Variants in AFG2B observed in about 807,000 individuals in gnomAD.
The protein encoded by AFG2B is ATPase family gene 2 protein homolog B.
At chr15:45,402,531 C>G in the AFG2B span, 2 of 1,596,272 alleles carry the variant, frequency 1.3e-6, no homozygotes, top group Non-Finnish European at 1.7e-6. Flanking sequence ...TGGGCCCGGC[C>G]GCCCTCCACG....
the AFG2B span, among the ~76,000 whole-genome samples, chr15:45,416,538 T>A: frequency 6.6e-6 from 1 of 152,334 alleles, no homozygotes; most frequent in South Asian, 2.1e-4. Flanking sequence ...TCCTTAGGAA[T>A]ATGTCACACT....
chr15:45,421,339 A>T, the AFG2B span: 34 of 625,884 alleles, frequency 5.4e-5, no homozygotes, highest in Non-Finnish European at 7.7e-5. Flanking sequence ...AAACAAAACA[A>T]AAAAAACTTG....
At chr15:45,402,439 G>A in the AFG2B span, 1 of 1,602,948 alleles carries the variant, frequency 6.2e-7, no homozygotes, top group African/African-American at 1.4e-5. Context: ...GATGGCTCCG[G>A]ACTCGGATCC....
the AFG2B span, among the ~76,000 whole-genome samples, chr15:45,419,849 C>T: frequency 5.9e-4 from 89 of 151,786 alleles, no homozygotes; most frequent in Non-Finnish European, 1.1e-3. Flanking sequence ...GACCCTGTCT[C>T]TACAAAAACT....
chr15:45,421,072 A>G, the AFG2B span: 2 of 1,612,284 alleles, frequency 1.2e-6, no homozygotes, highest in South Asian at 2.2e-5. Context: ...AAGAAAATGG[A>G]CTAGACGCAA....
the AFG2B span, chr15:45,417,469 T>C: frequency 2.6e-6 from 4 of 1,550,832 alleles, no homozygotes; most frequent in Admixed American, 5.3e-5. Context: ...TAGGTGTCCA[T>C]GGTGTTCTAC....
At chr15:45,409,096 C>A in the AFG2B span, among the ~76,000 whole-genome samples, 2 of 152,210 alleles carry the variant, frequency 1.3e-5, no homozygotes, top group African/African-American at 4.8e-5. Context: ...TGGAAATGGG[C>A]CACGTGCGGT....
the AFG2B span, chr15:45,417,060 A>C: frequency 4.1e-6 from 2 of 491,978 alleles, no homozygotes; most frequent in South Asian, 5.2e-5. Flanking sequence ...CTACTCCCTT[A>C]GCCATGCACA....
the AFG2B span, chr15:45,421,083 C>T: frequency 6.2e-7 from 1 of 1,613,596 alleles, no homozygotes; most frequent in Non-Finnish European, 8.5e-7. Flanking sequence ...CTAGACGCAA[C>T]TACAGTGAAA....
chr15:45,402,483 C>T, the AFG2B span: 1 of 1,610,408 alleles, frequency 6.2e-7, no homozygotes, highest in Non-Finnish European at 8.5e-7. Flanking sequence ...AGCTGCTACC[C>T]TTAGACGCTA....
At chr15:45,418,673 C>T in the AFG2B span, 2 of 1,607,756 alleles carry the variant, frequency 1.2e-6, no homozygotes, top group Non-Finnish European at 1.7e-6. Context: ...TTAGAAACCT[C>T]TGCACAGAAG....
the AFG2B span, chr15:45,414,758 A>AT: frequency 2.5e-6 from 4 of 1,613,940 alleles, no homozygotes; most frequent in Admixed American, 6.7e-5. Context: ...TTTGTTGGAG[A>AT]TTCAGAAAAA....
the AFG2B span, among the ~76,000 whole-genome samples, chr15:45,420,549 G>A: frequency 1.3e-5 from 2 of 152,064 alleles, no homozygotes; most frequent in African/African-American, 2.4e-5. Flanking sequence ...TCCCATTAAT[G>A]TAAAGAGGTT....
the AFG2B span, chr15:45,402,827 A>G: frequency 6.3e-7 from 1 of 1,597,698 alleles, no homozygotes; most frequent in Non-Finnish European, 8.5e-7. Flanking sequence ...GCGGTGCTGG[A>G]GGCGGCACAG....
the AFG2B span, among the ~76,000 whole-genome samples, chr15:45,414,126 A>AGG: frequency 1.3e-5 from 2 of 152,120 alleles, no homozygotes; most frequent in Non-Finnish European, 2.9e-5. Context: ...AGTGAGTAGG[A>AGG]GGAGGGGGTT....
chr15:45,402,731 T>A, the AFG2B span: 7 of 1,565,272 alleles, frequency 4.5e-6, no homozygotes, highest in Non-Finnish European at 4.3e-6. Flanking sequence ...CGCCTCCTCC[T>A]AGTGCCCTGT....
At chr15:45,409,063 A>G in the AFG2B span, among the ~76,000 whole-genome samples, 1 of 152,134 alleles carries the variant, frequency 6.6e-6, no homozygotes, top group Non-Finnish European at 1.5e-5. Context: ...TCTTCCTGTC[A>G]TATTGGCAGA....
At chr15:45,402,765 G>A in the AFG2B span, 18 of 1,582,524 alleles carry the variant, frequency 1.1e-5, no homozygotes, top group Admixed American at 1.0e-4. Flanking sequence ...GCGTCGCCGT[G>A]TGGCCGGTGT....
chr15:45,402,666 G>T, the AFG2B span: 1 of 1,577,850 alleles, frequency 6.3e-7, no homozygotes, highest in Non-Finnish European at 8.6e-7. Flanking sequence ...CGCTGTGCGC[G>T]AGCCCCGGGG....
Sources: allele counts gnomAD v4.1 joint callset (sites outside exome capture counted in the v4.1 genomes callset), GRCh38; gene constraint gnomAD v4.1.1; transcripts MANE v1.5; gene names NCBI Gene and HGNC (gene_info 2026-07-23, HGNC 2026-07-21).